PREX1: variants seen among roughly 807,000 people sequenced by gnomAD.
The protein encoded by PREX1 is phosphatidylinositol 3,4,5-trisphosphate-dependent Rac exchanger 1 protein.
PREX1 carries 41 observed loss-of-function variants against 198.3 expected under a neutral mutation model. The ratio of observed to expected loss-of-function variants is 0.21; its 90% CI spans 0.16 to 0.27. PREX1 has a LOEUF of 0.27. Among genes scored for constraint, PREX1 ranks in the 10% least tolerant of loss-of-function variants. The pLI, the probability that PREX1 is intolerant of heterozygous loss-of-function variation, is 1.00. For synonymous variants in PREX1, 843 were observed against 887.2 expected (o/e 0.95, Z 0.89); for missense variants, 1,620 against 2,200.7 (o/e 0.74, Z 5.28).
At chr20:48,660,334 T>C (rs1470397242) in intron 15 of PREX1, among the ~76,000 whole-genome samples, 3 of 152,204 alleles carry the variant, frequency 2.0e-5, no homozygotes, top group Non-Finnish European at 4.4e-5. Context: ...ACACACAGTG[T>C]GGAAATGCAG....
At chr20:48,845,308 G>A in the PREX1 span, among the ~76,000 whole-genome samples, 2 of 152,312 alleles carry the variant, frequency 1.3e-5, no homozygotes, top group East Asian at 3.9e-4. Flanking sequence ...AATACAGGGA[G>A]GCACACACCT....
chr20:48,757,362 G>A (rs1172752255), intron 1 of PREX1, among the ~76,000 whole-genome samples: 1 of 152,190 alleles, frequency 6.6e-6, no homozygotes, highest in Admixed American at 6.5e-5. Context: ...GAACCGTGCT[G>A]GACTGGACAC....
At chr20:48,836,902 CAAAAA>C in the PREX1 span, among the ~76,000 whole-genome samples, 9 of 56,072 alleles carry the variant, frequency 1.6e-4, no homozygotes, top group African/African-American at 7.1e-4. Context: ...ACTCTGTCTC[CAAAAA>C]AAAAAAAAAA....
chr20:48,749,243 G>A (rs2090123200), intron 1 of PREX1, among the ~76,000 whole-genome samples: 1 of 152,180 alleles, frequency 6.6e-6, no homozygotes, highest in Non-Finnish European at 1.5e-5. Flanking sequence ...GAGACCCCTG[G>A]GAAAAGGAAT....
chr20:48,830,719 G>C (rs1461308286), upstream of PREX1, among the ~76,000 whole-genome samples: 2 of 152,200 alleles, frequency 1.3e-5, no homozygotes, highest in African/African-American at 4.8e-5. Context: ...GACACTAAAA[G>C]ATAATACAGC....
At chr20:48,832,388 AAAACTAATTAAGT>A (rs2090539083), upstream of PREX1, among the ~76,000 whole-genome samples, 1 of 152,176 alleles carries the variant, frequency 6.6e-6, no homozygotes, top group Non-Finnish European at 1.5e-5. Flanking sequence ...GTTTAAAAGG[AAAACTAATTAAGT>A]TAAAGCAAGG....
At chr20:48,662,408 T>C (rs201250141) in intron 15 of PREX1, among the ~76,000 whole-genome samples, 2 of 152,208 alleles carry the variant, frequency 1.3e-5, no homozygotes, top group Non-Finnish European at 2.9e-5. Context: ...TCCGGCTTTA[T>C]AGGATAATCT....
chr20:48,756,966 A>G (rs1056741353), intron 1 of PREX1, among the ~76,000 whole-genome samples: 1 of 152,158 alleles, frequency 6.6e-6, no homozygotes, highest in African/African-American at 2.4e-5. Flanking sequence ...TAAAACCATC[A>G]GATCTCGTGA....
intron 1 of PREX1, among the ~76,000 whole-genome samples, chr20:48,787,577 C>T (rs138120147): frequency 8.8e-5 from 13 of 147,908 alleles, no homozygotes; most frequent in East Asian, 2.0e-4. Context: ...GTAAGCAGGA[C>T]GACGAAAACC....
intron 1 of PREX1, among the ~76,000 whole-genome samples, chr20:48,767,945 C>A (rs1202128197): frequency 2.0e-5 from 3 of 152,190 alleles, no homozygotes; most frequent in Non-Finnish European, 1.5e-5. Context: ...ATGCAGGTAG[C>A]ACAAAGTGTT....
intron 16 of PREX1, among the ~76,000 whole-genome samples, chr20:48,659,683 G>A (rs2089575609): frequency 6.6e-6 from 1 of 152,170 alleles, no homozygotes; most frequent in Non-Finnish European, 1.5e-5. Flanking sequence ...GGGGACAGGA[G>A]AGGCAAGGGA....
At position 48,636,618 on chromosome 20, in the gene PREX1, A is replaced by G. The variant is rs1228800443; in HGVS notation, c.4012T>C (p.Phe1338Leu). The G allele has an allele frequency of 1.2e-6, 2 of 1,611,760 alleles. No homozygotes were observed. The highest frequency in any genetic ancestry group is 1.7e-5 in the Admixed American group (1 of 59,958). Residue 1338 changes from phenylalanine to leucine, a missense_variant, in exon 32 of 40, where the codon TTC becomes CTC. Phe to Leu is a conservative substitution (Grantham distance 22). Transcript: ENST00000371941. ...CQALVAAVCT[F>L]SKQLLAALGY... Reference sequence around the variant, plus strand: ...AGGGCCGCCAGCAGCTGCTTGGAGAAGGTGCACACGGCGGCCACCAGGGCC... The same window carrying G: ...AGGGCCGCCAGCAGCTGCTTGGAGAGGGTGCACACGGCGGCCACCAGGGCC...
intron 1 of PREX1, among the ~76,000 whole-genome samples, chr20:48,806,975 A>C (rs1298908346): frequency 6.6e-6 from 1 of 152,246 alleles, no homozygotes; most frequent in Admixed American, 6.5e-5. Context: ...ATATCCATTC[A>C]TCCATGGAAC....
chr20:48,813,684 A>C (rs559442088), intron 1 of PREX1, among the ~76,000 whole-genome samples: 1 of 152,284 alleles, frequency 6.6e-6, no homozygotes, highest in South Asian at 2.1e-4. Flanking sequence ...GGAAAGGGAG[A>C]GGGGGAGCGA....
intron 1 of PREX1, among the ~76,000 whole-genome samples, chr20:48,814,125 T>C (rs6019437): frequency 0.08 from 12,247 of 152,248 alleles, 966 homozygotes; most frequent in African/African-American, 0.21. Context: ...CGTGGGTTCA[T>C]GCTCCCAAGA....
At chr20:48,683,178 G>A (rs2089763287) in intron 10 of PREX1, among the ~76,000 whole-genome samples, 1 of 152,226 alleles carries the variant, frequency 6.6e-6, no homozygotes. Context: ...AGATGTTTGA[G>A]TGCCCACTCT....
the PREX1 span, among the ~76,000 whole-genome samples, chr20:48,865,367 C>T: frequency 5.3e-5 from 8 of 152,176 alleles, no homozygotes; most frequent in Non-Finnish European, 1.0e-4. Context: ...TCTCCTACCC[C>T]CCACACAGGT....
the PREX1 span, among the ~76,000 whole-genome samples, chr20:48,838,834 T>C: frequency 2.0e-5 from 3 of 151,852 alleles, no homozygotes; most frequent in East Asian, 3.9e-4. Flanking sequence ...GAAACCATCC[T>C]GGCCAACATG....
intron 15 of PREX1, among the ~76,000 whole-genome samples, chr20:48,661,527 A>G (rs1394537006): frequency 2.5e-5 from 3 of 121,238 alleles, no homozygotes; most frequent in East Asian, 2.4e-4. Context: ...AATATATATA[A>G]TGTGTGTGTG....
Sources: gnomAD v4.1 joint callset for allele counts (sites outside exome capture counted in the v4.1 genomes callset) on GRCh38, gnomAD v4.1.1 for gene constraint, MANE v1.5 for transcripts, NCBI Gene and HGNC (gene_info 2026-07-23, HGNC 2026-07-21) for gene names.